Variants in GPHN observed in about 807,000 individuals in gnomAD.
The protein encoded by GPHN is gephyrin.
A neutral mutation model predicts 95.5 loss-of-function variants in GPHN; 17 were observed. The observed-to-expected ratio is 0.18, with a 90% CI of 0.12 to 0.27. The LOEUF (loss-of-function observed/expected upper bound fraction) is 0.27, where lower values mean the gene tolerates loss of function less well. Ranked by LOEUF, GPHN falls within the 10% of genes least tolerant of loss-of-function variation. The pLI, the probability that GPHN is intolerant of heterozygous loss-of-function variation, is 1.00. For missense variants in GPHN, 660 were observed against 978.1 expected (o/e 0.67, Z 4.34); for synonymous variants, 320 against 322.5 (o/e 0.99, Z 0.08).
At chr14:67,382,483 A>G in the GPHN span, 120 of 1,613,638 alleles carry the variant, frequency 7.4e-5, no homozygotes, top group Non-Finnish European at 9.0e-5. Flanking sequence ...TGTAATGACT[A>G]CGACAACCCT....
chr14:67,237,340 T>C, the GPHN span, among the ~76,000 whole-genome samples: 1 of 152,030 alleles, frequency 6.6e-6, no homozygotes, highest in Non-Finnish European at 1.5e-5. Flanking sequence ...AAGACCTGGT[T>C]TTCACTAGTA....
At chr14:67,199,338 A>G in the GPHN span, 161 of 1,613,970 alleles carry the variant, frequency 1.0e-4, no homozygotes, top group Non-Finnish European at 1.3e-4. Context: ...TCAGCTCACA[A>G]CAAAAACCTG....
chr14:66,624,684 G>A (rs2063451331), intron 1 of GPHN, among the ~76,000 whole-genome samples: 1 of 152,178 alleles, frequency 6.6e-6, no homozygotes, highest in Admixed American at 6.5e-5. Context: ...ATTGCTCTTA[G>A]CTTGGGAGGA....
At chr14:66,979,819 T>A (rs1426523049) in intron 9 of GPHN, among the ~76,000 whole-genome samples, 1 of 152,196 alleles carries the variant, frequency 6.6e-6, no homozygotes, top group Admixed American at 6.5e-5. Context: ...TAGCTTTTGA[T>A]TTAAAGTGGT....
chr14:67,392,424 C>T, the GPHN span: 1 of 1,610,722 alleles, frequency 6.2e-7, no homozygotes, highest in Non-Finnish European at 8.5e-7. Context: ...TTGTAGCTCT[C>T]AGCCTAGGGG....
chr14:66,933,642 T>G (rs2066944007), intron 8 of GPHN, among the ~76,000 whole-genome samples: 1 of 152,222 alleles, frequency 6.6e-6, no homozygotes, highest in African/African-American at 2.4e-5. Flanking sequence ...GCTTCAGTTC[T>G]CATCTATAAA....
chr14:67,121,731 AT>A (rs1433879614), intron 16 of GPHN, among the ~76,000 whole-genome samples: 1 of 152,226 alleles, frequency 6.6e-6, no homozygotes, highest in Non-Finnish European at 1.5e-5. Context: ...GTTTGCTAGT[AT>A]CAGAGACAAA....
chr14:67,637,410 C>CAAAAAAAAA, the GPHN span, among the ~76,000 whole-genome samples: 1 of 103,620 alleles, frequency 9.7e-6, no homozygotes, highest in Non-Finnish European at 1.8e-5. Context: ...GACTCTGTCT[C>CAAAAAAAAA]AAAAAAAAAA....
chr14:67,595,205 C>T, the GPHN span, among the ~76,000 whole-genome samples: 1 of 152,276 alleles, frequency 6.6e-6, no homozygotes, highest in Non-Finnish European at 1.5e-5. Context: ...AATCATGTAA[C>T]ATAAAATCTG....
chr14:66,708,465 TC>T (rs2069304636), intron 2 of GPHN, among the ~76,000 whole-genome samples: 4 of 152,174 alleles, frequency 2.6e-5, no homozygotes, highest in Non-Finnish European at 1.5e-5. Context: ...AAAACTTTCT[TC>T]CTGTATTTCA....
intron 1 of GPHN, among the ~76,000 whole-genome samples, chr14:66,600,232 T>C (rs1046198511): frequency 6.6e-6 from 1 of 152,140 alleles, no homozygotes; most frequent in Non-Finnish European, 1.5e-5. Context: ...GAAATTTTCT[T>C]CCTTTTTAAA....
At chr14:66,937,800 G>A (rs1267362848) in intron 8 of GPHN, among the ~76,000 whole-genome samples, 1 of 152,170 alleles carries the variant, frequency 6.6e-6, no homozygotes, top group East Asian at 1.9e-4. Context: ...TGTTAAAAAA[G>A]TAATTGCGGT....
At chr14:67,300,776 A>G in the GPHN span, among the ~76,000 whole-genome samples, 2 of 152,290 alleles carry the variant, frequency 1.3e-5, no homozygotes, top group South Asian at 4.1e-4. Context: ...ATTTAATGTA[A>G]TCCATTATAT....
intron 10 of GPHN, among the ~76,000 whole-genome samples, chr14:67,057,528 A>G (rs890242281): frequency 2.0e-4 from 30 of 152,144 alleles, no homozygotes; most frequent in African/African-American, 7.0e-4. Context: ...GCAAACCACC[A>G]TGGCACAAGT....
the GPHN span, among the ~76,000 whole-genome samples, chr14:67,646,105 G>C: frequency 6.6e-6 from 1 of 152,180 alleles, no homozygotes; most frequent in African/African-American, 2.4e-5. Flanking sequence ...TGATCTAGAA[G>C]ACAAATAAAA....
chr14:67,568,009 C>T, the GPHN span, among the ~76,000 whole-genome samples: 3 of 152,200 alleles, frequency 2.0e-5, no homozygotes, highest in South Asian at 2.1e-4. Context: ...CCCCTCAGGA[C>T]GGGCATTCTC....
chr14:66,846,325 A>G (rs898777694), intron 4 of GPHN, among the ~76,000 whole-genome samples: 5 of 152,182 alleles, frequency 3.3e-5, no homozygotes, highest in African/African-American at 1.2e-4. Context: ...AGATACAAAA[A>G]TTCTCTCAGA....
At chr14:67,234,574 G>A in the GPHN span, among the ~76,000 whole-genome samples, 6 of 152,102 alleles carry the variant, frequency 3.9e-5, no homozygotes, top group South Asian at 2.1e-4. Context: ...TTTTGAAATA[G>A]AGTCTCACTC....
intron 1 of GPHN, among the ~76,000 whole-genome samples, chr14:66,540,776 T>C (rs1347395951): frequency 6.6e-6 from 1 of 152,176 alleles, no homozygotes; most frequent in Non-Finnish European, 1.5e-5. Context: ...ATATTTTTAC[T>C]TATTTATTTA....
Sources: gnomAD v4.1 joint callset for allele counts (sites outside exome capture counted in the v4.1 genomes callset) on GRCh38, gnomAD v4.1.1 for gene constraint, MANE v1.5 for transcripts, NCBI Gene and HGNC (gene_info 2026-07-23, HGNC 2026-07-21) for gene names.